FRMD4A: variants seen among roughly 807,000 people sequenced by gnomAD.
FRMD4A encodes FERM domain-containing protein 4A.
In FRMD4A, 29 loss-of-function variants were observed where a neutral mutation model predicts 129.1. The observed-to-expected ratio is 0.22, with a 90% CI of 0.17 to 0.31. The LOEUF (loss-of-function observed/expected upper bound fraction) is 0.31. FRMD4A is among the 10% of genes least tolerant of loss of function. The pLI is 1.00. For missense variants in FRMD4A, 1,272 were observed against 1,375.8 expected (o/e 0.92, Z 1.19); for synonymous variants, 634 against 571.6 (o/e 1.11, Z -1.56).
chr10:14,230,503 C>T (rs1879606), intron 2 of FRMD4A, among the ~76,000 whole-genome samples: 51,847 of 152,108 alleles, frequency 0.34, 9,303 homozygotes, highest in South Asian at 0.44. Flanking sequence ...AGATGCTCAG[C>T]CCATATTAGT....
chr10:14,017,330 T>A (rs1189119641), intron 2 of FRMD4A, among the ~76,000 whole-genome samples: 2 of 152,234 alleles, frequency 1.3e-5, no homozygotes, highest in Non-Finnish European at 2.9e-5. Context: ...TAACTAGCAT[T>A]GATTTGCCAT....
intron 9 of FRMD4A, among the ~76,000 whole-genome samples, chr10:13,741,762 T>C (rs1371162317): frequency 6.6e-6 from 1 of 152,056 alleles, no homozygotes; most frequent in Admixed American, 6.5e-5. Flanking sequence ...ATATGAACCA[T>C]GAAGCAACAA....
chr10:14,098,130 A>C (rs1342302242), intron 2 of FRMD4A, among the ~76,000 whole-genome samples: 1 of 145,566 alleles, frequency 6.9e-6, no homozygotes, highest in Non-Finnish European at 1.5e-5. Flanking sequence ...ATTATATAAA[A>C]ATTATATATT....
At chr10:14,221,876 G>C (rs1051089088) in intron 2 of FRMD4A, among the ~76,000 whole-genome samples, 10 of 152,240 alleles carry the variant, frequency 6.6e-5, no homozygotes, top group South Asian at 2.1e-4. Flanking sequence ...TTCTGAACCT[G>C]TCTGTGTTAT....
chr10:13,920,831 T>A (rs1343513304), intron 2 of FRMD4A, among the ~76,000 whole-genome samples: 3 of 152,276 alleles, frequency 2.0e-5, no homozygotes, highest in South Asian at 2.1e-4. Context: ...TATTTTTTTT[T>A]AATCCTTCCA....
At chr10:14,320,811 G>A (rs1044793659) in intron 2 of FRMD4A, among the ~76,000 whole-genome samples, 1 of 152,234 alleles carries the variant, frequency 6.6e-6, no homozygotes, top group Non-Finnish European at 1.5e-5. Flanking sequence ...ATCGAGAAGA[G>A]TGCATGAAGC....
intron 2 of FRMD4A, among the ~76,000 whole-genome samples, chr10:14,304,856 C>T (rs1036111760): frequency 5.9e-5 from 9 of 152,216 alleles, no homozygotes; most frequent in Admixed American, 4.6e-4. Context: ...ATAAATATCC[C>T]GGCTGCATCT....
At chr10:14,053,099 T>A (rs550224841) in intron 2 of FRMD4A, among the ~76,000 whole-genome samples, 60 of 152,280 alleles carry the variant, frequency 3.9e-4, no homozygotes, top group Non-Finnish European at 6.8e-4. Context: ...CCAGACTACG[T>A]GAGCAAACGT....
intron 11 of FRMD4A, among the ~76,000 whole-genome samples, chr10:13,738,296 G>C (rs1017647502): frequency 6.6e-6 from 1 of 152,138 alleles, no homozygotes; most frequent in African/African-American, 2.4e-5. Context: ...CACCACAACT[G>C]AAAATCTGTG....
intron 8 of FRMD4A, 79 bp downstream of exon 8, chr10:13,761,568 G>C (rs2092075266): frequency 1.1e-6 from 1 of 939,674 alleles, no homozygotes. Context: ...ACCTAAAAAG[G>C]ACATCCTGAT....
At chr10:13,663,921 C>T (rs1297491316) in intron 18 of FRMD4A, among the ~76,000 whole-genome samples, 3 of 152,232 alleles carry the variant, frequency 2.0e-5, no homozygotes, top group African/African-American at 7.2e-5. Flanking sequence ...CCAGGGTAGG[C>T]ACTTTGCTTT....
At chr10:13,703,428 G>A (rs557643504) in intron 13 of FRMD4A, among the ~76,000 whole-genome samples, 1 of 152,288 alleles carries the variant, frequency 6.6e-6, no homozygotes, top group Non-Finnish European at 1.5e-5. Context: ...GCACAGTGTT[G>A]TCCAGTGCCC....
chr10:13,809,208 G>A (rs1159642401), intron 4 of FRMD4A, among the ~76,000 whole-genome samples: 1 of 152,188 alleles, frequency 6.6e-6, no homozygotes, highest in Non-Finnish European at 1.5e-5. Flanking sequence ...GCAGTGATCT[G>A]AAATGTTCTG....
intron 2 of FRMD4A, among the ~76,000 whole-genome samples, chr10:14,000,729 C>G (rs1295686723): frequency 6.8e-6 from 1 of 147,190 alleles, no homozygotes; most frequent in African/African-American, 2.5e-5. Context: ...TACATATTTG[C>G]AATATGGCAG....
chr10:13,659,751 GT>G (rs1385465534), intron 20 of FRMD4A, among the ~76,000 whole-genome samples: 1 of 151,854 alleles, frequency 6.6e-6, no homozygotes, highest in Non-Finnish European at 1.5e-5. Flanking sequence ...TGCCCTTACA[GT>G]TTTTGTTTTC....
At chr10:14,278,859 C>T (rs12242467) in intron 2 of FRMD4A, among the ~76,000 whole-genome samples, 41,073 of 152,012 alleles carry the variant, frequency 0.27, 5,603 homozygotes, top group Middle Eastern at 0.36. Context: ...TTATTTTCTG[C>T]TTTTTTGCTT....
chr10:13,798,641 T>C (rs572127837), intron 4 of FRMD4A, among the ~76,000 whole-genome samples: 7 of 152,006 alleles, frequency 4.6e-5, no homozygotes, highest in African/African-American at 7.2e-5. Flanking sequence ...GGCATGAACC[T>C]GGGAGGTGGA....
intron 2 of FRMD4A, chr10:13,890,915 A>T (rs915879684): frequency 1.1e-6 from 1 of 945,054 alleles, no homozygotes; most frequent in Non-Finnish European, 1.3e-6. Context: ...ACGAACAGTT[A>T]CTCTGCTAAC....
chr10:14,016,117 G>C (rs2095698355), intron 2 of FRMD4A, among the ~76,000 whole-genome samples: 1 of 152,246 alleles, frequency 6.6e-6, no homozygotes, highest in South Asian at 2.1e-4. Flanking sequence ...GCTGGCCTTA[G>C]CCCTGAGTCT....
Sources: gnomAD v4.1 joint callset for allele counts (sites outside exome capture counted in the v4.1 genomes callset) on GRCh38, gnomAD v4.1.1 for gene constraint, MANE v1.5 for transcripts, NCBI Gene and HGNC (gene_info 2026-07-23, HGNC 2026-07-21) for gene names.